The following LONP2 variants were observed in gnomAD, a reference collection of about 807,000 sequenced individuals.
The protein encoded by LONP2 is lon peptidase 2, peroxisomal, also known as lon protease homolog 2, peroxisomal.
Under a neutral mutation model 85.6 loss-of-function variants are expected in LONP2, and 60 were observed. The ratio of observed to expected loss-of-function variants is 0.70; its 90% confidence interval spans 0.57 to 0.87. The LOEUF (loss-of-function observed/expected upper bound fraction) is 0.87. Among genes scored for constraint, LONP2 ranks in the 40% least tolerant of loss-of-function variants. LONP2 has a pLI of 0.00. For missense variants in LONP2, 860 were observed against 1,063.5 expected (o/e 0.81, Z 2.66); for synonymous variants, 395 against 389.7 (o/e 1.01, Z -0.16).
At chr16:48,325,726 G>C (rs1973355836) in intron 11 of LONP2, among the ~76,000 whole-genome samples, 1 of 152,246 alleles carries the variant, frequency 6.6e-6, no homozygotes, top group South Asian at 2.1e-4. Flanking sequence ...AAACATGGAA[G>C]TGCAGATACC....
chr16:48,284,234 GTGAACCTTGT>G (rs1972389901), intron 8 of LONP2, among the ~76,000 whole-genome samples: 1 of 152,156 alleles, frequency 6.6e-6, no homozygotes, highest in Non-Finnish European at 1.5e-5. Context: ...CCTTGATGTT[GTGAACCTTGT>G]TGAAATTCTA....
At chr16:48,311,613 T>A (rs1264066491) in intron 11 of LONP2, among the ~76,000 whole-genome samples, 1 of 152,072 alleles carries the variant, frequency 6.6e-6, no homozygotes, top group African/African-American at 2.4e-5. Flanking sequence ...CTCTTGTATC[T>A]TGTTGAGCTA....
chr16:48,298,760 C>T (rs907203571), intron 9 of LONP2, among the ~76,000 whole-genome samples: 13 of 151,956 alleles, frequency 8.6e-5, no homozygotes, highest in Middle Eastern at 3.4e-3. Context: ...ATAATTGTCT[C>T]TAAGATTTGA....
intron 1 of LONP2, among the ~76,000 whole-genome samples, chr16:48,250,923 C>T (rs759566986): frequency 1.1e-4 from 16 of 152,112 alleles, no homozygotes; most frequent in Non-Finnish European, 1.9e-4. Flanking sequence ...TGATTTTTTT[C>T]CCTCACCAAT....
intron 8 of LONP2, among the ~76,000 whole-genome samples, chr16:48,294,202 A>G (rs956898633): frequency 6.6e-6 from 1 of 152,062 alleles, no homozygotes; most frequent in Non-Finnish European, 1.5e-5. Flanking sequence ...CGGCCTCCCA[A>G]AGTACTTGGA....
intron 8 of LONP2, among the ~76,000 whole-genome samples, chr16:48,285,281 T>A (rs1972415672): frequency 6.6e-6 from 1 of 152,190 alleles, no homozygotes; most frequent in Non-Finnish European, 1.5e-5. Context: ...ATTCTCTCTT[T>A]GTCTTTCATT....
At chr16:48,276,283 T>G (rs16946056) in intron 7 of LONP2, among the ~76,000 whole-genome samples, 2,079 of 152,294 alleles carry the variant, frequency 0.014, 46 homozygotes, top group African/African-American at 0.047. Flanking sequence ...CTTTTCAAAG[T>G]TCACTCTGTT....
intron 8 of LONP2, among the ~76,000 whole-genome samples, chr16:48,292,837 T>G (rs1388252104): frequency 6.6e-6 from 1 of 151,960 alleles, no homozygotes; most frequent in Admixed American, 6.5e-5. Flanking sequence ...CTATTCTGTT[T>G]CTGGGAGCTG....
intron 12 of LONP2, among the ~76,000 whole-genome samples, chr16:48,340,966 G>T (rs894034926): frequency 6.6e-6 from 1 of 151,876 alleles, no homozygotes; most frequent in Non-Finnish European, 1.5e-5. Context: ...AAGAAAAGAG[G>T]TTTAATTGGC....
chr16:48,323,692 C>T (rs968735027), intron 11 of LONP2, among the ~76,000 whole-genome samples: 3 of 151,212 alleles, frequency 2.0e-5, no homozygotes, highest in Non-Finnish European at 4.4e-5. Context: ...TTGAAAAATA[C>T]CTCACAGTCA....
At chr16:48,323,579 G>C (rs1014133529) in intron 11 of LONP2, among the ~76,000 whole-genome samples, 5 of 151,580 alleles carry the variant, frequency 3.3e-5, no homozygotes, top group African/African-American at 1.2e-4. Flanking sequence ...AATCACATGA[G>C]CCTGGGAGGC....
At chr16:48,277,515 T>TCTTCCA in intron 8 of LONP2, 36 bp downstream of exon 8, 1 of 1,596,644 alleles carries the variant, frequency 6.3e-7, no homozygotes, top group Non-Finnish European at 8.6e-7. Context: ...GTCTTCATAC[T>TCTTCCA]GGAAGAGTAT....
At chr16:48,332,741 T>TAC (rs1274503459) in intron 11 of LONP2, among the ~76,000 whole-genome samples, 5 of 150,560 alleles carry the variant, frequency 3.3e-5, no homozygotes, top group East Asian at 3.9e-4. Flanking sequence ...TATATACACA[T>TAC]ACACACACAC....
intron 1 of LONP2, 85 bp downstream of exon 1, chr16:48,244,706 C>T: frequency 9.9e-7 from 1 of 1,005,822 alleles, no homozygotes; most frequent in South Asian, 2.7e-5. Context: ...GCCTTGAGCG[C>T]GAGGCTCAGT....
At chr16:48,298,842 T>C (rs1972735811) in intron 9 of LONP2, among the ~76,000 whole-genome samples, 1 of 152,132 alleles carries the variant, frequency 6.6e-6, no homozygotes, top group Non-Finnish European at 1.5e-5. Flanking sequence ...TAAATGCTTG[T>C]TTTGTTTGTG....
At chr16:48,276,811 A>G (rs1972218339) in intron 7 of LONP2, among the ~76,000 whole-genome samples, 1 of 152,184 alleles carries the variant, frequency 6.6e-6, no homozygotes, top group South Asian at 2.1e-4. Flanking sequence ...TCTGAAAATA[A>G]AAGAGATTGG....
At chr16:48,338,514 T>C (rs999950554) in intron 12 of LONP2, among the ~76,000 whole-genome samples, 1 of 152,096 alleles carries the variant, frequency 6.6e-6, no homozygotes, top group South Asian at 2.1e-4. Flanking sequence ...TGACAGGGCA[T>C]GTGTAGTAGT....
chr16:48,361,253 AAAC>A (rs1960578665), downstream of LONP2: 1 of 277,890 alleles, frequency 3.6e-6, no homozygotes, highest in Non-Finnish European at 7.1e-6. Flanking sequence ...TCCCACGCAA[AAAC>A]AAACTTTTTC....
In LONP2 at chr16:48,339,432, T is replaced by C. The variant is rs191347383; in HGVS notation, c.1938+5074T>C. On this transcript the variant is annotated intron_variant, in intron 12 of 14. Coordinates refer to ENST00000285737, the MANE Select transcript of LONP2 (RefSeq NM_031490.5). ...GGTGGGGATGGTAGAAATTGGAGTA[T>C]GTTGAAGAGAGAATGGGAGGCGAGG... Among the ~76,000 whole-genome samples the C allele has an allele frequency of 1.1e-4, 17 of 152,250 alleles. No homozygotes were observed. In the East Asian group the frequency reaches 2.9e-3, roughly 26 times the overall value.
Sources: gnomAD v4.1 joint callset for allele counts (sites outside exome capture counted in the v4.1 genomes callset) on GRCh38, gnomAD v4.1.1 for gene constraint, MANE v1.5 for transcripts, NCBI Gene and HGNC (gene_info 2026-07-23, HGNC 2026-07-21) for gene names.